Variants in ADARB2 observed in about 807,000 individuals in gnomAD.
ADARB2 encodes adenosine deaminase RNA specific B2 (inactive), also known as inactive double-stranded RNA-specific editase B2.
ADARB2 carries 25 observed loss-of-function variants against 62.2 expected under a neutral mutation model. That is an observed-to-expected ratio of 0.40 (90% confidence interval 0.29 to 0.56). ADARB2 has a LOEUF of 0.56. ADARB2 is among the 20% of genes least tolerant of loss of function. The probability of loss-of-function intolerance (pLI) is 0.43; values close to 1 mark genes in which losing one functional copy is unlikely to be tolerated. For missense variants in ADARB2, 1,071 were observed against 1,077.4 expected, an observed-to-expected ratio of 0.99 and a Z score of 0.08; for synonymous variants, 572 against 500.8, an observed-to-expected ratio of 1.14 and a Z score of -1.90.
intron 6 of ADARB2, among the ~76,000 whole-genome samples, chr10:1,220,041 A>ATG (rs1830672377): frequency 1.7e-5 from 1 of 60,180 alleles, no homozygotes. Context: ...TGATGATGGT[A>ATG]ATGGTGATGG....
chr10:1,271,633 CACACACACAG>C (rs1831264085), intron 3 of ADARB2, among the ~76,000 whole-genome samples: 1 of 150,962 alleles, frequency 6.6e-6, no homozygotes, highest in Non-Finnish European at 1.5e-5. Context: ...CACACACATG[CACACACACAG>C]ACACACACAT....
intron 1 of ADARB2, among the ~76,000 whole-genome samples, chr10:1,522,150 A>C (rs1424969612): frequency 1.3e-5 from 2 of 152,196 alleles, no homozygotes; most frequent in Non-Finnish European, 2.9e-5. Context: ...TCATTATTTT[A>C]GTGTTGAGAC....
At chr10:1,456,380 T>C (rs1416338685) in intron 1 of ADARB2, among the ~76,000 whole-genome samples, 1 of 152,202 alleles carries the variant, frequency 6.6e-6, no homozygotes, top group Non-Finnish European at 1.5e-5. Flanking sequence ...TGGAGGCTCC[T>C]GCCCGGAAGA....
chr10:1,525,160 C>A (rs2676736), intron 1 of ADARB2, among the ~76,000 whole-genome samples: 3,016 of 152,222 alleles, frequency 0.02, 108 homozygotes, highest in African/African-American at 0.069. Context: ...AAAAAAAGGT[C>A]AGGTACCTGA....
chr10:1,529,012 T>C (rs567619402), intron 1 of ADARB2, among the ~76,000 whole-genome samples: 194 of 152,238 alleles, frequency 1.3e-3, no homozygotes, highest in Non-Finnish European at 2.5e-3. Context: ...ATGTTGCTTG[T>C]GAGGTGGGTC....
chr10:1,516,578 G>A (rs559962741), intron 1 of ADARB2, among the ~76,000 whole-genome samples: 1 of 152,232 alleles, frequency 6.6e-6, no homozygotes, highest in South Asian at 2.1e-4. Flanking sequence ...GGGCTGCTCT[G>A]TGCTTGGGAA....
At chr10:1,563,614 C>T (rs1832817541) in intron 1 of ADARB2, among the ~76,000 whole-genome samples, 1 of 149,130 alleles carries the variant, frequency 6.7e-6, no homozygotes, top group East Asian at 2.0e-4. Context: ...CTCTATAGGA[C>T]ATTTCATTTT....
chr10:1,564,485 G>C (rs1832830372), intron 1 of ADARB2, among the ~76,000 whole-genome samples: 1 of 152,012 alleles, frequency 6.6e-6, no homozygotes, highest in Non-Finnish European at 1.5e-5. Flanking sequence ...CCTACAAAAT[G>C]GGAGAAAATT....
intron 8 of ADARB2, chr10:1,187,754 CG>C: frequency 3.0e-6 from 1 of 331,952 alleles, no homozygotes; most frequent in Non-Finnish European, 6.5e-6. Flanking sequence ...CTCCACACTC[CG>C]GGGACAGAAG....
intron 8 of ADARB2, among the ~76,000 whole-genome samples, chr10:1,187,133 T>C (rs1334705187): frequency 1.3e-5 from 2 of 152,222 alleles, no homozygotes; most frequent in East Asian, 3.8e-4. Flanking sequence ...ATCCCGTTCA[T>C]GTCAGCTCTT....
chr10:1,503,232 A>G (rs866736155), intron 1 of ADARB2, among the ~76,000 whole-genome samples: 1 of 152,184 alleles, frequency 6.6e-6, no homozygotes, highest in Non-Finnish European at 1.5e-5. Flanking sequence ...GTTGTTGTTC[A>G]GTCTGTAGCC....
chr10:1,323,215 A>C (rs534762469), intron 3 of ADARB2, among the ~76,000 whole-genome samples: 17 of 151,630 alleles, frequency 1.1e-4, no homozygotes, highest in African/African-American at 4.1e-4. Context: ...CCTCTTTATC[A>C]TACTTCACAG....
chr10:1,453,878 G>T (rs1034259283), intron 1 of ADARB2, among the ~76,000 whole-genome samples: 10 of 152,222 alleles, frequency 6.6e-5, no homozygotes, highest in Admixed American at 5.2e-4. Context: ...TGCACTGATG[G>T]TGGGAATGTA....
At chr10:1,217,642 C>T (rs974269931) in intron 6 of ADARB2, among the ~76,000 whole-genome samples, 5 of 152,192 alleles carry the variant, frequency 3.3e-5, no homozygotes, top group East Asian at 3.8e-4. Flanking sequence ...GTGTCAGTCC[C>T]GGCTCCATGG....
Position 1,183,068 on chromosome 10 carries a change from C to CA in ADARB2, c.*124_*125insT, listed in dbSNP as rs1836700714. On this transcript the variant is annotated 3_prime_UTR_variant, in exon 10 of 10. Coordinates refer to ENST00000381312, the MANE Select transcript of ADARB2 (RefSeq NM_018702.4). ...GTTGCTCGTCCAAACATTGCACACT[C>CA]GCGTGTTTCTGGGACACCAAAGTAA... is the stretch of plus-strand genomic sequence containing the variant. The CA allele has an allele frequency of 9.2e-7, 1 of 1,084,778 alleles. No individual in the cohort carries two copies. Among genetic ancestry groups the CA allele is most frequent in the Non-Finnish European group, 1.3e-6 (1 of 762,772 alleles). 67.2% of individuals were successfully genotyped at this position (1,084,778 alleles called of 1,614,324 possible).
intron 3 of ADARB2, among the ~76,000 whole-genome samples, chr10:1,359,306 T>C (rs1433844730): frequency 1.3e-5 from 2 of 152,096 alleles, no homozygotes; most frequent in Non-Finnish European, 1.5e-5. Context: ...AAACCCTACA[T>C]GTTTAGGTCT....
chr10:1,429,334 T>C (rs1456322383), intron 1 of ADARB2, among the ~76,000 whole-genome samples: 2 of 152,196 alleles, frequency 1.3e-5, no homozygotes, highest in Admixed American at 6.5e-5. Flanking sequence ...TTTTAGCTGA[T>C]GAAATTACAT....
chr10:1,292,594 G>T (rs558387259), intron 3 of ADARB2: 1 of 152,186 alleles, frequency 6.6e-6, no homozygotes, highest in East Asian at 1.9e-4. Context: ...AAACCTTCAA[G>T]TTCTGTCGCC....
At position 1,447,841 on chromosome 10, in the gene ADARB2, G is replaced by C. The variant is rs570229905; in HGVS notation, c.101-68681C>G. On this transcript the variant is annotated intron_variant, in intron 1 of 9. Coordinates refer to ENST00000381312, the MANE Select transcript of ADARB2 (RefSeq NM_018702.4). ...GAGAGCTTGTGGTATTTGGTTTTCT[G>C]TTGCTGTGTTAGTTTGCTTAAGATC... 7.9e-5 allele frequency among the ~76,000 whole-genome samples: 12 copies of C among 152,238 alleles called. 1 individual carries two copies. The South Asian group carries it at 2.3e-3, about 29-fold the overall frequency.
Sources: gnomAD v4.1 joint callset for allele counts (sites outside exome capture counted in the v4.1 genomes callset) on GRCh38, gnomAD v4.1.1 for gene constraint, MANE v1.5 for transcripts, NCBI Gene and HGNC (gene_info 2026-07-23, HGNC 2026-07-21) for gene names.